The following PRPS1 variants were observed in gnomAD, a reference collection of about 807,000 sequenced individuals.
PRPS1 encodes ribose-phosphate pyrophosphokinase 1.
PRPS1 carries 1 observed loss-of-function variant against 16.9 expected under a neutral mutation model. The observed-to-expected ratio is 0.06, with a 90% CI of 0.02 to 0.28. The LOEUF is 0.28. PRPS1 is among the 10% of genes least tolerant of loss of function. The pLI, the probability that PRPS1 is intolerant of heterozygous loss-of-function variation, is 1.00. For missense variants in PRPS1, 47 were observed against 254.0 expected (o/e 0.19, Z 5.54); for synonymous variants, 70 against 90.2 (o/e 0.78, Z 1.27).
intron 1 of PRPS1, among the ~76,000 whole-genome samples, chrX:107,633,010 T>C (rs1009260651): frequency 1.8e-5 from 2 of 112,420 alleles, no homozygotes; most frequent in Non-Finnish European, 3.7e-5. Context: ...TACTTTTATT[T>C]CATTTTTGTA....
chrX:107,638,255 G>A (rs1925487673), intron 1 of PRPS1, among the ~76,000 whole-genome samples: 1 of 111,558 alleles, frequency 9.0e-6, no homozygotes, highest in South Asian at 3.7e-4. Context: ...GACTACAGGC[G>A]TGTGCCACCA....
rs768310830 is a variant in PRPS1 at position 107,650,794 on chromosome X, G to T, written c.*762G>T. On this transcript the variant is annotated 3_prime_UTR_variant, in exon 7 of 7. Coordinates refer to ENST00000372435, the MANE Select transcript of PRPS1 (RefSeq NM_002764.4). The stretch of plus-strand genomic sequence containing the variant: ...CAAACATGCTTCCTGCTATGTAATT[G>T]CTAACATTCATATTAGATGATGTGC... 3.7e-4 allele frequency: 108 copies of T among 294,426 alleles called. No individual in the cohort carries two copies. Among genetic ancestry groups the T allele is most frequent in the Non-Finnish European group, 1.8e-4 (31 of 169,269 alleles). The allele number at this position is 294,426 out of a possible 1,213,427, so 24.3% of individuals were successfully genotyped here. A position where few individuals can be genotyped will look rare whatever the true frequency, so the allele number is the denominator to read the frequency against.
Position 107,635,409 on chromosome X carries a change from A to G in PRPS1, c.123-3886A>G, listed in dbSNP as rs5962868. Among the ~76,000 whole-genome samples the G allele has an allele frequency of 8.1e-3, 897 of 110,159 alleles. 15 individuals carry two copies. Among genetic ancestry groups the G allele is most frequent in the African/African-American group, 0.028 (856 of 30,126 alleles). On this transcript the variant is annotated intron_variant, in intron 1 of 6. Transcript: ENST00000372435. ...CATATTTTGGTCAAGGAGCTGATAT[A>G]TGGAGGATGAATGTGAGCAGCATTA...
intron 5 of PRPS1, among the ~76,000 whole-genome samples, chrX:107,647,235 C>T (rs1164021802): frequency 1.8e-5 from 2 of 112,508 alleles, no homozygotes; most frequent in Admixed American, 9.3e-5. Flanking sequence ...CCCATGCGCA[C>T]GCATGCGTGC....
chrX:107,628,535 C>T lies in PRPS1; in HGVS notation c.-94C>T. The stretch of plus-strand genomic sequence containing the variant: ...AATGTAAGATGGCGGAGTAGCAACG[C>T]AAAGCGCTTGGTATTGAGTCTGTGG... On this transcript the variant is annotated 5_prime_UTR_variant, in exon 1 of 7. Coordinates refer to ENST00000372435, the MANE Select transcript of PRPS1 (RefSeq NM_002764.4). 2 of 1,197,690 alleles carry T rather than the reference C, an allele frequency of 1.7e-6. No homozygotes were observed. Among genetic ancestry groups the T allele is most frequent in the Non-Finnish European group, 2.3e-6 (2 of 884,838 alleles).
At chrX:107,640,255 T>C (rs1343124433) in intron 2 of PRPS1, among the ~76,000 whole-genome samples, 3 of 109,944 alleles carry the variant, frequency 2.7e-5, no homozygotes, top group Non-Finnish European at 5.7e-5. Flanking sequence ...GGCAGGAGAA[T>C]TGCTTGAACC....
At chrX:107,640,634 T>C (rs1426098831) in intron 2 of PRPS1, among the ~76,000 whole-genome samples, 4 of 112,322 alleles carry the variant, frequency 3.6e-5, no homozygotes, top group East Asian at 2.8e-4. Context: ...TTGAATAGGA[T>C]TGAAAATGTG....
chrX:107,635,524 T>C (rs1018398082), intron 1 of PRPS1, among the ~76,000 whole-genome samples: 10 of 108,985 alleles, frequency 9.2e-5, no homozygotes, highest in African/African-American at 1.7e-4. Flanking sequence ...TCCTAACTCC[T>C]GGGCTGAAGC....
chrX:107,643,533 A>T (rs756331879), intron 4 of PRPS1, among the ~76,000 whole-genome samples: 1 of 111,284 alleles, frequency 9.0e-6, no homozygotes, highest in Non-Finnish European at 1.9e-5. Context: ...TCTTATAGTG[A>T]TGGAGTATTT....
At chrX:107,639,023 C>T (rs1359632364) in intron 1 of PRPS1, among the ~76,000 whole-genome samples, 1 of 112,689 alleles carries the variant, frequency 8.9e-6, no homozygotes, top group Non-Finnish European at 1.9e-5. Flanking sequence ...GCATGAGCCA[C>T]TGCGCCCAGC....
At chrX:107,639,793 C>G (rs1042514424) in intron 2 of PRPS1, among the ~76,000 whole-genome samples, 14 of 111,489 alleles carry the variant, frequency 1.3e-4, no homozygotes, top group Non-Finnish European at 2.4e-4. Flanking sequence ...GGTAGATCCT[C>G]TCAAACTGTA....
intron 4 of PRPS1, among the ~76,000 whole-genome samples, chrX:107,642,894 A>G (rs941789374): frequency 6.3e-5 from 7 of 111,998 alleles, no homozygotes; most frequent in Non-Finnish European, 1.3e-4. Flanking sequence ...GATCATTTTG[A>G]TCCTTGGGAT....
rs191234504 is a variant in PRPS1, at chrX:107,640,202, C to T, written c.307-700C>T. 1.2e-3 allele frequency among the ~76,000 whole-genome samples: 133 copies of T among 112,095 alleles called. 1 individual carries two copies. The highest frequency in any genetic ancestry group is 2.8e-4 in the Non-Finnish European group (15 of 53,077). ...TAAAATACAAAAGAAATTATCCAGG[C>T]GTGGCGCTGCGCGCCTGTAGTCCCA... is the stretch of plus-strand genomic sequence containing the variant. On this transcript the variant is annotated intron_variant, in intron 2 of 6. Coordinates refer to ENST00000372435, the MANE Select transcript of PRPS1 (RefSeq NM_002764.4).
rs1226197511 is a variant in PRPS1 at position 107,639,289 on chromosome X, T to C, written c.123-6T>C. On this transcript the variant is annotated splice_region_variant and splice_polypyrimidine_tract_variant and intron_variant, in intron 1 of 6. Transcript: ENST00000372435. The stretch of plus-strand genomic sequence containing the variant: ...CTATTTCATGTTCTTTCTTTCCTCA[T>C]TGTAGTGTGGAAATTGGTGAAAGTG... The C allele has an allele frequency of 8.3e-7, 1 of 1,206,204 alleles. No homozygotes were observed. The highest frequency in any genetic ancestry group is 1.1e-6 in the Non-Finnish European group (1 of 891,822).
chrX:107,640,344 CA>C (rs759522021), intron 2 of PRPS1, among the ~76,000 whole-genome samples: 120 of 24,670 alleles, frequency 4.9e-3, no homozygotes, highest in African/African-American at 6.8e-3. Context: ...TCTGTCTCTA[CA>C]AAAAAAAAAA....
intron 1 of PRPS1, among the ~76,000 whole-genome samples, chrX:107,638,262 A>G (rs996589544): frequency 5.4e-5 from 6 of 111,564 alleles, no homozygotes. Flanking sequence ...GGCGTGTGCC[A>G]CCATGCACGG....
At chrX:107,635,747 G>A (rs1326543346) in intron 1 of PRPS1, among the ~76,000 whole-genome samples, 2 of 110,418 alleles carry the variant, frequency 1.8e-5, no homozygotes, top group Non-Finnish European at 3.8e-5. Flanking sequence ...GAAATCTCTC[G>A]AAGGGCAGAG....
chrX:107,631,839 A>C (rs1925313273), intron 1 of PRPS1, among the ~76,000 whole-genome samples: 1 of 111,839 alleles, frequency 8.9e-6, no homozygotes, highest in Admixed American at 9.5e-5. Flanking sequence ...GGCACGTGCC[A>C]CCACGCCCAG....
At chrX:107,629,669 G>A (rs1341209609) in intron 1 of PRPS1, among the ~76,000 whole-genome samples, 1 of 112,019 alleles carries the variant, frequency 8.9e-6, no homozygotes, top group East Asian at 2.8e-4. Context: ...ATTGCAACTT[G>A]CGTTTTTTCC....
Sources: allele counts gnomAD v4.1 joint callset (sites outside exome capture counted in the v4.1 genomes callset), GRCh38; gene constraint gnomAD v4.1.1; transcripts MANE v1.5; gene names NCBI Gene and HGNC (gene_info 2026-07-23, HGNC 2026-07-21).